Variants in NCOA2 observed in about 807,000 individuals in gnomAD.
The protein encoded by NCOA2 is class E basic helix-loop-helix protein 75.
In NCOA2, 21 loss-of-function variants were observed where a neutral mutation model predicts 145.1. The observed-to-expected ratio is 0.14, with a 90% CI of 0.10 to 0.21. The LOEUF is 0.21. Ranked by LOEUF, NCOA2 falls within the 10% of genes least tolerant of loss-of-function variation. NCOA2 has a pLI of 1.00. For missense variants in NCOA2, 1,472 were observed against 1,837.6 expected (o/e 0.80, Z 3.64); for synonymous variants, 619 against 637.5 (o/e 0.97, Z 0.44).
At chr8:70,265,908 G>A (rs1041932354) in intron 2 of NCOA2, among the ~76,000 whole-genome samples, 2 of 152,140 alleles carry the variant, frequency 1.3e-5, no homozygotes, top group East Asian at 1.9e-4. Flanking sequence ...CACTTTGGGA[G>A]GCTGAGGGAT....
rs79311260 is a variant in NCOA2, at chr8:70,286,431, C to A, written c.-20+10313G>T. Among the ~76,000 whole-genome samples, 935 of 152,146 alleles carry A rather than the reference C, an allele frequency of 6.1e-3. 10 individuals are homozygous for A. The highest frequency in any genetic ancestry group is 0.021 in the African/African-American group (873 of 41,512). On this transcript the variant is annotated intron_variant, in intron 2 of 22. Coordinates refer to ENST00000452400, the MANE Select transcript of NCOA2 (RefSeq NM_006540.4). ...TCTGTTTTAAAAAGATGTGGTCAAA[C>A]CCTTGCTAGAAAGTAAATGAAACAA...
chr8:70,240,364 A>T (rs144731559), intron 2 of NCOA2, among the ~76,000 whole-genome samples: 1 of 152,334 alleles, frequency 6.6e-6, no homozygotes, highest in East Asian at 1.9e-4. Context: ...AGCTGCCTTC[A>T]CTATTATTGT....
At chr8:70,194,378 G>A (rs1441341064) in intron 4 of NCOA2, among the ~76,000 whole-genome samples, 1 of 152,114 alleles carries the variant, frequency 6.6e-6, no homozygotes, top group African/African-American at 2.4e-5. Context: ...TACTGGGGTG[G>A]TCACAGTGAC....
At position 70,278,626 on chromosome 8, in the gene NCOA2, T is replaced by C. The variant is rs116513921; in HGVS notation, c.-20+18118A>G. ...GCTAAACCCGCCTCAGCCTCCAGTA[T>C]TGCCCTCCTCTAGTCCATTCACCCC... is the stretch of plus-strand genomic sequence containing the variant. On this transcript the variant is annotated intron_variant, in intron 2 of 22. Transcript: ENST00000452400. 4.2e-3 allele frequency among the ~76,000 whole-genome samples: 642 copies of C among 152,226 alleles called. 3 individuals are homozygous for C. Among genetic ancestry groups the C allele is most frequent in the African/African-American group, 0.014 (588 of 41,540 alleles).
At chr8:70,204,616 C>A (rs1054052006) in intron 4 of NCOA2, among the ~76,000 whole-genome samples, 1 of 152,116 alleles carries the variant, frequency 6.6e-6, no homozygotes, top group African/African-American at 2.4e-5. Flanking sequence ...AACCATTACA[C>A]AAGGCTGAAT....
chr8:70,213,252 A>G (rs146301611), intron 4 of NCOA2, among the ~76,000 whole-genome samples: 2 of 152,244 alleles, frequency 1.3e-5, no homozygotes, highest in African/African-American at 4.8e-5. Flanking sequence ...TGGCACCACA[A>G]AGTCAAATGT....
intron 2 of NCOA2, among the ~76,000 whole-genome samples, chr8:70,249,017 C>A (rs577596273): frequency 3.9e-5 from 6 of 151,990 alleles, no homozygotes; most frequent in African/African-American, 1.2e-4. Context: ...CTCCACCCCC[C>A]GGATGGACAT....
chr8:70,311,096 GACTGATAAT>G (rs1191869472), intron 1 of NCOA2, among the ~76,000 whole-genome samples: 1 of 151,730 alleles, frequency 6.6e-6, no homozygotes, highest in East Asian at 1.9e-4. Context: ...ATTGTCTGTT[GACTGATAAT>G]ACATTTATTT....
At chr8:70,415,903 A>G in the NCOA2 span, among the ~76,000 whole-genome samples, 1 of 152,224 alleles carries the variant, frequency 6.6e-6, no homozygotes, top group Non-Finnish European at 1.5e-5. Context: ...CCATCTTCAT[A>G]GATATTCATA....
At chr8:70,351,642 C>A (rs182515937) in intron 1 of NCOA2, among the ~76,000 whole-genome samples, 1 of 146,576 alleles carries the variant, frequency 6.8e-6, no homozygotes, top group Admixed American at 6.9e-5. Context: ...GGCTGAAGTA[C>A]AAGCAAGATC....
chr8:70,441,809 AAAGAAAG>A, the NCOA2 span, among the ~76,000 whole-genome samples: 1 of 82,990 alleles, frequency 1.2e-5, no homozygotes, highest in Non-Finnish European at 2.5e-5. Context: ...AGAAAGAAAG[AAAGAAAG>A]AAGAAAGAAG....
chr8:70,300,153 T>C (rs1010675391), intron 1 of NCOA2, among the ~76,000 whole-genome samples: 1 of 152,118 alleles, frequency 6.6e-6, no homozygotes, highest in Admixed American at 6.5e-5. Flanking sequence ...TGACTAAAAA[T>C]GGACACAAGA....
At chr8:70,202,818 CA>C (rs998631306) in intron 4 of NCOA2, among the ~76,000 whole-genome samples, 1 of 152,132 alleles carries the variant, frequency 6.6e-6, no homozygotes, top group Non-Finnish European at 1.5e-5. Context: ...GTAAGAGAGT[CA>C]ATTTACTTTA....
chr8:70,414,111 C>A, the NCOA2 span, among the ~76,000 whole-genome samples: 2 of 152,120 alleles, frequency 1.3e-5, no homozygotes, highest in South Asian at 4.1e-4. Flanking sequence ...TCTTATAAAA[C>A]AACAAAAGCT....
intron 5 of NCOA2, among the ~76,000 whole-genome samples, chr8:70,171,866 T>C (rs546321393): frequency 3.5e-4 from 53 of 151,622 alleles, no homozygotes; most frequent in Non-Finnish European, 6.0e-4. Flanking sequence ...CTCTGTTGCA[T>C]AGGCTGGGGT....
At chr8:70,377,531 A>G (rs1266932339) in intron 1 of NCOA2, among the ~76,000 whole-genome samples, 1 of 152,142 alleles carries the variant, frequency 6.6e-6, no homozygotes, top group Admixed American at 6.5e-5. Flanking sequence ...AAATAGGTTG[A>G]ACAGCTTTAA....
In NCOA2 at chr8:70,264,553, T is replaced by G. The variant is rs529347935; in HGVS notation, c.-20+32191A>C. ...AAATGTCAACCTATATACTTCAGGCTCCAATGTAAATTGGAATAAATTGAA... is the reference window on the plus strand; with the variant it reads ...AAATGTCAACCTATATACTTCAGGCGCCAATGTAAATTGGAATAAATTGAA... On this transcript the variant is annotated intron_variant, in intron 2 of 22. Transcript: ENST00000452400. Among the ~76,000 whole-genome samples the G allele has an allele frequency of 3.3e-5, 5 of 152,256 alleles. No homozygotes were observed. In the South Asian group the frequency reaches 1.0e-3, roughly 32 times the overall value.
chr8:70,264,193 CAACA>C lies in NCOA2; in HGVS notation c.-20+32547_-20+32550del, dbSNP rs558412782. On this transcript the variant is annotated intron_variant, in intron 2 of 22. Transcript: ENST00000452400. Reference sequence around the variant, plus strand: ...CGCCATTGCACTCATCCAGCCTGGGCAACAAGAGTGAAACTCTGTCTCAAAAAAA... The same window carrying C: ...CGCCATTGCACTCATCCAGCCTGGGCAGAGTGAAACTCTGTCTCAAAAAAA... 4.0e-5 allele frequency among the ~76,000 whole-genome samples: 6 copies of C among 150,410 alleles called. No individual in the cohort carries two copies. The South Asian group carries it at 1.3e-3, about 32-fold the overall frequency.
At chr8:70,127,876 A>G (rs1585745925) in intron 18 of NCOA2, among the ~76,000 whole-genome samples, 1 of 152,202 alleles carries the variant, frequency 6.6e-6, no homozygotes, top group South Asian at 2.1e-4. Context: ...TCTGTGATCT[A>G]TTTGGTGCCA....
Sources: allele counts gnomAD v4.1 joint callset (sites outside exome capture counted in the v4.1 genomes callset), GRCh38; gene constraint gnomAD v4.1.1; transcripts MANE v1.5; gene names NCBI Gene and HGNC (gene_info 2026-07-23, HGNC 2026-07-21).